EVPL: variants seen among roughly 807,000 people sequenced by gnomAD.
The protein encoded by EVPL is 210 kDa cornified envelope precursor protein.
EVPL carries 94 observed loss-of-function variants against 129.7 expected under a neutral mutation model. The observed-to-expected ratio is 0.72, with a 90% confidence interval of 0.61 to 0.86. The LOEUF (loss-of-function observed/expected upper bound fraction) is 0.86. Among genes scored for constraint, EVPL ranks in the 40% least tolerant of loss-of-function variants. The pLI, the probability that EVPL is intolerant of heterozygous loss-of-function variation, is 0.00. For missense variants in EVPL, 2,625 were observed against 2,721.1 expected (o/e 0.96, Z 0.79); for synonymous variants, 1,172 against 1,191.1 (o/e 0.98, Z 0.33).
rs113135904 is a variant in EVPL at position 76,008,847 on chromosome 17, G to A, written c.4358C>T (p.Pro1453Leu). 641 of 1,613,774 alleles carry A rather than the reference G, an allele frequency of 4.0e-4. 2 individuals carry two copies. Among genetic ancestry groups the A allele is most frequent in the African/African-American group, 3.0e-3 (224 of 74,924 alleles). The part of the protein sequence containing the change: ...TLRIQELEKR[P>L]PTVQEKIIME... ...GATGATCTTCTCCTGCACCGTGGGA[G>A]GCCGCTTCTCGAGCTCCTGGATCCT... The change falls in exon 22 of 22, where the codon CCT becomes CTT. Residue 1453 changes from proline (P) to leucine (L), a missense_variant. By Grantham distance (98) the Pro-to-Leu change is moderately conservative. Coordinates refer to ENST00000301607, the MANE Select transcript of EVPL (RefSeq NM_001988.4). This position sits in a 1 kb window ranked among gnomAD's most constrained non-coding sequence, Gnocchi z 7.4.
Position 76,010,437 on chromosome 17 carries a change from T to A in EVPL, c.2768A>T (p.Glu923Val), listed in dbSNP as rs368352204. Residue 923 changes from glutamate (E) to valine (V), a missense_variant, in exon 22 of 22, where the codon GAG (glutamate) becomes GTG (valine). This residue lies in a region of EVPL where 1,453 missense variants were observed against 1,511.8 expected (regional missense o/e 0.96). Coordinates refer to ENST00000301607, the MANE Select transcript of EVPL (RefSeq NM_001988.4). ...ESEALKAQLE[E>V]ERKRVARVQH... ...CACCCGGGCCACCCGCTTCCTCTCC[T>A]CTTCCAGCTGGGCCTTCAGGGCCTC... 4 of 1,613,844 alleles carry A rather than the reference T, an allele frequency of 2.5e-6. No homozygotes were observed. Among genetic ancestry groups the A allele is most frequent in the Non-Finnish European group, 3.4e-6 (4 of 1,180,008 alleles).
In EVPL at chr17:76,018,501, C is replaced by G; in HGVS notation, c.1384G>C (p.Ala462Pro). Reference protein sequence around the residue: ...GPGGETKRAPAACFCIPAPDP... With the variant: ...GPGGETKRAPPACFCIPAPDP... Reference sequence around the variant, plus strand: ...GGTGCTGGGATGCAGAAGCAGGCGGCGGGAGCACGCTTGGTCTCCCCGCCA... The same window carrying G: ...GGTGCTGGGATGCAGAAGCAGGCGGGGGGAGCACGCTTGGTCTCCCCGCCA... Residue 462 changes from alanine (A) to proline (P), a missense_variant, in exon 12 of 22, where the codon GCC (alanine) becomes CCC (proline). Coordinates refer to ENST00000301607, the MANE Select transcript of EVPL (RefSeq NM_001988.4). 6.2e-7 allele frequency: 1 copy of G among 1,612,318 alleles called. No individual in the cohort carries two copies. Among genetic ancestry groups the G allele is most frequent in the Non-Finnish European group, 8.5e-7 (1 of 1,179,736 alleles).
chr17:76,023,086 A>G (rs2066473721), intron 4 of EVPL, among the ~76,000 whole-genome samples: 1 of 151,850 alleles, frequency 6.6e-6, no homozygotes, highest in African/African-American at 2.4e-5. Flanking sequence ...GGCCCAACTG[A>G]GCCCTCTCAC....
In EVPL at chr17:76,019,386, G is replaced by A. The variant is rs2066441605; in HGVS notation, c.1137+142C>T. On this transcript the variant is annotated intron_variant, in intron 10 of 21. Coordinates refer to ENST00000301607, the MANE Select transcript of EVPL (RefSeq NM_001988.4). Reference sequence around the variant, plus strand: ...CTTGCTGGTACCTGGCCAGCCTCCTGCTAGAGTAAACCCCCCTGCCAGCAC... The same window carrying A: ...CTTGCTGGTACCTGGCCAGCCTCCTACTAGAGTAAACCCCCCTGCCAGCAC... 2.7e-6 allele frequency: 3 copies of A among 1,129,158 alleles called. No individual in the cohort carries two copies. The African/African-American group carries it at 4.8e-5, about 18-fold the overall frequency. 69.9% of individuals were successfully genotyped at this position (1,129,158 alleles called of 1,614,324 possible).
chr17:76,020,297 G>T (rs1466071032), intron 9 of EVPL, among the ~76,000 whole-genome samples: 1 of 152,140 alleles, frequency 6.6e-6, no homozygotes, highest in East Asian at 1.9e-4. Flanking sequence ...TTGCAAATGG[G>T]GTCTTATTTG....
rs1051892599 is a variant in EVPL, at chr17:76,024,210, A to C, written c.99-90T>G. The stretch of plus-strand genomic sequence containing the variant: ...GCATCCCCTGCCCTCCCTCCACCCC[A>C]TCCTGCCCCCACAGCCTAGCTCACT... On this transcript the variant is annotated intron_variant, in intron 1 of 21. Transcript: ENST00000301607. This position sits in a 1 kb window ranked among gnomAD's most constrained non-coding sequence, Gnocchi z 4.5. The C allele has an allele frequency of 9.4e-5, 115 of 1,225,922 alleles. 2 individuals carry two copies. In the African/African-American group the frequency reaches 1.6e-3, roughly 17 times the overall value. The allele number at this position is 1,225,922 out of a possible 1,614,324, so 75.9% of individuals were successfully genotyped here.
Position 76,022,212 on chromosome 17 carries a change from G to A in EVPL, c.622C>T (p.Arg208Trp), listed in dbSNP as rs143765507. The part of the protein sequence containing the change: ...SLVGPDAATI[R>W]SQYRDLLKAA... ...ACCAGTAGGTCTCGGTATTGGCTCC[G>A]GATGGTGGCTGCATCCTGCCTCGAC... Residue 208 changes from arginine (R) to tryptophan (W), a missense_variant, in exon 6 of 22, where the codon CGG becomes TGG. Arg to Trp is a moderately radical substitution (Grantham distance 101). Transcript: ENST00000301607. This position sits in a 1 kb window ranked among gnomAD's most constrained non-coding sequence, Gnocchi z 5.6. 3.1e-6 allele frequency: 5 copies of A among 1,612,376 alleles called. No homozygotes were observed. The Admixed American group carries it at 5.0e-5, about 16-fold the overall frequency.
chr17:76,023,499 CT>C lies in EVPL; in HGVS notation c.353del (p.Asp118AlafsTer9). On this transcript the variant is annotated frameshift_variant and splice_region_variant, in exon 3 of 22. Coordinates refer to ENST00000301607, the MANE Select transcript of EVPL (RefSeq NM_001988.4). LOFTEE classifies it high-confidence loss of function. The stretch of plus-strand genomic sequence containing the variant: ...CCCAGCCCTGCCGCAGCTCCACTCA[CT>C]CCTTCTCAATCTCCTCAGCCTGCGG... ...KHPQAEEIEKDIKQLHERVTQ... is the reference protein window; with the variant it reads ...KHPQAEEIEKXIKQLHERVTQ... 1.2e-6 allele frequency: 2 copies of C among 1,613,100 alleles called. No individual in the cohort carries two copies. Among genetic ancestry groups the C allele is most frequent in the Non-Finnish European group, 8.5e-7 (1 of 1,179,628 alleles).
Position 76,011,641 on chromosome 17 carries a change from C to T in EVPL, c.2596G>A (p.Glu866Lys). ...AGCTGCTGCTGTGCTGCTGCAACCTCAGTATAGGCCTTTGCAAGGTTCTTC... is the reference window on the plus strand; with the variant it reads ...AGCTGCTGCTGTGCTGCTGCAACCTTAGTATAGGCCTTTGCAAGGTTCTTC... ...QEKNLAKAYTEVAAAQQQLLQ... is the reference protein window; with the variant it reads ...QEKNLAKAYTKVAAAQQQLLQ... The change falls in exon 21 of 22, where the codon GAG (glutamate) becomes AAG (lysine). Residue 866 changes from glutamate (E) to lysine (K), a missense_variant. Physicochemically the swap from Glu to Lys is moderately conservative, Grantham distance 56. Transcript: ENST00000301607. 1 of 1,614,178 alleles carries T rather than the reference C, an allele frequency of 6.2e-7. No homozygotes were observed. The highest frequency in any genetic ancestry group is 8.5e-7 in the Non-Finnish European group (1 of 1,180,030).
In EVPL at chr17:76,006,962, T is replaced by A; in HGVS notation, c.*141A>T. The A allele has an allele frequency of 1.0e-6, 1 of 1,003,292 alleles. No homozygotes were observed. Among genetic ancestry groups the A allele is most frequent in the Non-Finnish European group, 1.3e-6 (1 of 772,626 alleles). The allele number at this position is 1,003,292 out of a possible 1,614,324, so 62.1% of individuals were successfully genotyped here. On this transcript the variant is annotated 3_prime_UTR_variant, in exon 22 of 22. Coordinates refer to ENST00000301607, the MANE Select transcript of EVPL (RefSeq NM_001988.4). ...CACCAAGGTTAGGGGAGGGAGCCCA[T>A]CACCATGTTAGTAAAATAATAAAAC...
At position 76,015,629 on chromosome 17, in the gene EVPL, C is replaced by T; in HGVS notation, c.1711-1G>A. On this transcript the variant is annotated splice_acceptor_variant, in intron 14 of 21. Transcript: ENST00000301607. LOFTEE classifies it high-confidence loss of function. ...GGCTCTGCAGGCGCTGGGCTGTGCC[C>T]TAAAGAGGGGCGGGGTCAGGGATCT... 1 of 1,611,244 alleles carries T rather than the reference C, an allele frequency of 6.2e-7. No individual in the cohort carries two copies. Among genetic ancestry groups the T allele is most frequent in the Non-Finnish European group, 8.5e-7 (1 of 1,178,538 alleles).
chr17:76,012,984 T>C (rs2066390444), intron 18 of EVPL, among the ~76,000 whole-genome samples: 1 of 152,028 alleles, frequency 6.6e-6, no homozygotes, highest in African/African-American at 2.4e-5. Flanking sequence ...GACCTTGTGA[T>C]CCGCCCGCCT....
In EVPL at chr17:76,017,800, C is replaced by T. The variant is rs776701020; in HGVS notation, c.1649G>A (p.Arg550Gln). 99 of 1,613,228 alleles carry T rather than the reference C, an allele frequency of 6.1e-5. 1 individual carries two copies. Among genetic ancestry groups the T allele is most frequent in the African/African-American group, 1.2e-4 (9 of 74,944 alleles). ...GGGTGTGGGGCGGCTCAGCGGGGCCCGCGCCCAGGCCAGCACCTGCCTCTC... is the reference window on the plus strand; with the variant it reads ...GGGTGTGGGGCGGCTCAGCGGGGCCTGCGCCCAGGCCAGCACCTGCCTCTC... ...QIERQVLAWA[R>Q]APLSRPTPLE... The change falls in exon 14 of 22, where the codon CGG becomes CAG. Residue 550 changes from arginine to glutamine, a missense_variant. By Grantham distance (43) the Arg-to-Gln change is conservative. Transcript: ENST00000301607.
At position 76,023,380 on chromosome 17, in the gene EVPL, G is replaced by A. The variant is rs760770532; in HGVS notation, c.392C>T (p.Ala131Val). The A allele has an allele frequency of 1.1e-5, 17 of 1,613,746 alleles. No individual in the cohort carries two copies. Among genetic ancestry groups the A allele is most frequent in the South Asian group, 2.2e-5 (2 of 91,074 alleles). The change falls in exon 4 of 22, where the codon GCG becomes GTG. Residue 131 changes from alanine to valine, a missense_variant. By Grantham distance (64) the Ala-to-Val change is moderately conservative (BLOSUM62 0). Around this residue, in one of 4 missense-constraint regions of EVPL, gnomAD observed 139 missense variants for 186.8 expected, o/e 0.74. Transcript: ENST00000301607. ...CTTCTCGTACAGGGCACGGTACTCC[G>A]CACACTCCTGGGTCACCCGCTCGTG... ...QLHERVTQEC[A>V]EYRALYEKMV...
At position 76,007,609 on chromosome 17, in the gene EVPL, C is replaced by CG. The variant is rs1282833021; in HGVS notation, c.5595_5596insC (p.Gly1866ArgfsTer10). On this transcript the variant is annotated frameshift_variant, in exon 22 of 22. Coordinates refer to ENST00000301607, the MANE Select transcript of EVPL (RefSeq NM_001988.4). LOFTEE classifies it low-confidence loss of function (END_TRUNC). The surrounding 1 kb of genome is among the most constrained non-coding windows in gnomAD (Gnocchi z 8.8). ...CGGCTGAGCAGGTCCACGATGCCCCCTGTGGCCGCCTGGGCCTCCAGTAGC... is the reference window on the plus strand; with the variant it reads ...CGGCTGAGCAGGTCCACGATGCCCCCGTGTGGCCGCCTGGGCCTCCAGTAGC... 7 of 1,613,934 alleles carry CG rather than the reference C, an allele frequency of 4.3e-6. No individual in the cohort carries two copies. Among genetic ancestry groups the CG allele is most frequent in the Non-Finnish European group, 5.9e-6 (7 of 1,180,040 alleles).
chr17:76,016,798 C>T (rs182737397), intron 14 of EVPL, among the ~76,000 whole-genome samples: 6 of 152,094 alleles, frequency 3.9e-5, no homozygotes, highest in Admixed American at 6.5e-5. Flanking sequence ...CCCAACTACT[C>T]GGGAGGCTGA....
rs372387239 is a variant in EVPL, at chr17:76,023,240, C to T, written c.480+52G>A. ...CTGCAGTCAGGCCCTGGATTAAATG[C>T]AGTTCCGTATCGCCCTCTGATCACA... On this transcript the variant is annotated intron_variant, in intron 4 of 21. Coordinates refer to ENST00000301607, the MANE Select transcript of EVPL (RefSeq NM_001988.4). 21 of 1,606,698 alleles carry T rather than the reference C, an allele frequency of 1.3e-5. No individual in the cohort carries two copies. In the African/African-American group the frequency reaches 2.4e-4, roughly 18 times the overall value.
Position 76,014,967 on chromosome 17 carries a change from A to C in EVPL, c.2171T>G (p.Val724Gly). Reference protein sequence around the residue: ...CQDLPRQQRQVRALTDRYHAV... With the variant: ...CQDLPRQQRQGRALTDRYHAV... ...GTGGTAGCGGTCGGTGAGGGCTCGC[A>C]CCTGGCGCTGCTGGCGAGGCAGGTC... Residue 724 changes from valine to glycine, a missense_variant, in exon 17 of 22, where the codon GTG (valine) becomes GGG (glycine). Val to Gly is a moderately radical substitution (Grantham distance 109). This residue lies in a region of EVPL where 1,024 missense variants were observed against 997.5 expected (regional missense o/e 1.03). Coordinates refer to ENST00000301607, the MANE Select transcript of EVPL (RefSeq NM_001988.4). The C allele has an allele frequency of 6.3e-7, 1 of 1,597,226 alleles. No individual in the cohort carries two copies. Among genetic ancestry groups the C allele is most frequent in the African/African-American group, 1.3e-5 (1 of 74,848 alleles).
chr17:76,007,526 T>A lies in EVPL; in HGVS notation c.5679A>T (p.Thr1893=). The change falls in exon 22 of 22, where the codon ACA becomes ACT. Residue 1893 remains threonine (T), a synonymous_variant. Transcript: ENST00000301607. This position sits in a 1 kb window ranked among gnomAD's most constrained non-coding sequence, Gnocchi z 8.8. ...MERGLIENTS[T]QRLLNAQKAF... ...CCTTCTGGGCGTTAAGCAGCCTCTG[T>A]GTGGAGGTGTTCTCGATCAGGCCCC... 2 of 1,613,792 alleles carry A rather than the reference T, an allele frequency of 1.2e-6. No homozygotes were observed. The highest frequency in any genetic ancestry group is 1.7e-6 in the Non-Finnish European group (2 of 1,180,014).
Sources: allele counts gnomAD v4.1 joint callset (sites outside exome capture counted in the v4.1 genomes callset), GRCh38; gene constraint gnomAD v4.1.1; regional missense constraint gnomAD v4.1.1; non-coding constraint Gnocchi (gnomAD v3.1); transcripts MANE v1.5; gene names NCBI Gene and HGNC (gene_info 2026-07-23, HGNC 2026-07-21).